Variants in PACS1 observed in about 807,000 individuals in gnomAD.
The protein encoded by PACS1 is PACS-1.
PACS1 carries 24 observed loss-of-function variants against 115.0 expected under a neutral mutation model. The ratio of observed to expected loss-of-function variants is 0.21; its 90% CI spans 0.15 to 0.29. PACS1 has a LOEUF of 0.29. PACS1 is among the 10% of genes least tolerant of loss of function. The pLI is 1.00. For missense variants in PACS1, 838 were observed against 1,251.2 expected, an observed-to-expected ratio of 0.67 and a Z score of 4.98; for synonymous variants, 453 against 504.5, an observed-to-expected ratio of 0.90 and a Z score of 1.37.
rs1208736142 is a variant in PACS1 at position 66,164,595 on chromosome 11, A to ATT, written c.357-28891_357-28890insTT. ...TATATATTTTATATATGTATTATATAATATATAATACATATATATATGTAT... is the reference window on the plus strand; with the variant it reads ...TATATATTTTATATATGTATTATATATTATATATAATACATATATATATGTAT... On this transcript the variant is annotated intron_variant, in intron 1 of 23. Coordinates refer to ENST00000320580, the MANE Select transcript of PACS1 (RefSeq NM_018026.4). Among the ~76,000 whole-genome samples, 597 of 143,382 alleles carry ATT rather than the reference A, an allele frequency of 4.2e-3. 2 individuals are homozygous for ATT. Among genetic ancestry groups the ATT allele is most frequent in the African/African-American group, 0.014 (546 of 39,164 alleles). 94.1% of individuals were successfully genotyped at this position (143,382 alleles called of 152,430 possible). A position where few individuals can be genotyped will look rare whatever the true frequency, so the allele number is the denominator to read the frequency against.
Position 66,236,072 on chromosome 11 carries a change from T to G in PACS1, c.2250+132T>G. On this transcript the variant is annotated intron_variant, in intron 19 of 23. Coordinates refer to ENST00000320580, the MANE Select transcript of PACS1 (RefSeq NM_018026.4). The surrounding 1 kb of genome is among the most constrained non-coding windows in gnomAD (Gnocchi z 4.2). ...CACTGGAGATTTTGCCTCCAGGGAC[T>G]ACCTGGCAGTGTCTGGAGACGTGTT... 1.2e-6 allele frequency: 1 copy of G among 840,378 alleles called. No homozygotes were observed. Among genetic ancestry groups the G allele is most frequent in the Middle Eastern group, 2.3e-4 (1 of 4,412 alleles). 52.1% of individuals were successfully genotyped at this position (840,378 alleles called of 1,614,324 possible).
At chr11:66,119,451 A>G (rs1858392146) in intron 1 of PACS1, among the ~76,000 whole-genome samples, 1 of 152,336 alleles carries the variant, frequency 6.6e-6, no homozygotes, top group African/African-American at 2.4e-5. Flanking sequence ...TTTACAGAGA[A>G]AGCTTGCTGG....
rs79509581 is a variant in PACS1, at chr11:66,076,088, A to G, written c.356+5246A>G. 8.5e-3 allele frequency among the ~76,000 whole-genome samples: 1,289 copies of G among 152,274 alleles called. 85 individuals are homozygous for G. In the East Asian group the frequency reaches 0.17, roughly 20 times the overall value. On this transcript the variant is annotated intron_variant, in intron 1 of 23. Transcript: ENST00000320580. ...GTACCTTAGGAGATTTGAATTTCACATTGTGAGTGTTGTAATAGAATATCA... is the reference window on the plus strand; with the variant it reads ...GTACCTTAGGAGATTTGAATTTCACGTTGTGAGTGTTGTAATAGAATATCA...
chr11:66,160,790 G>A (rs1859470553), intron 1 of PACS1, among the ~76,000 whole-genome samples: 1 of 151,228 alleles, frequency 6.6e-6, no homozygotes, highest in Non-Finnish European at 1.5e-5. Context: ...CCAAAGTGCT[G>A]GGATTATAGG....
intron 19 of PACS1, chr11:66,238,326 A>T (rs1590842438): frequency 1.0e-6 from 1 of 985,226 alleles, no homozygotes; most frequent in African/African-American, 1.7e-5. Flanking sequence ...TAGAGAAACA[A>T]CATCAGGACA....
At position 66,221,141 on chromosome 11, in the gene PACS1, C is replaced by T; in HGVS notation, c.1200-13C>T. 1 of 1,610,934 alleles carries T rather than the reference C, an allele frequency of 6.2e-7. No homozygotes were observed. The highest frequency in any genetic ancestry group is 8.5e-7 in the Non-Finnish European group (1 of 1,177,008). ...CCTGGCAGCACTGACCCTGGCTGTG[C>T]TCTTCACCACAGGCCTTTCTTTGAG... On this transcript the variant is annotated splice_polypyrimidine_tract_variant and intron_variant, in intron 9 of 23. Coordinates refer to ENST00000320580, the MANE Select transcript of PACS1 (RefSeq NM_018026.4).
rs376240959 is a variant in PACS1, at chr11:66,120,757, T to G, written c.356+49915T>G. ...AATTACCCATGTGAAATGCTTAGCATGGTACCTAAGTAGTGCCACTCTAAA... is the reference window on the plus strand; with the variant it reads ...AATTACCCATGTGAAATGCTTAGCAGGGTACCTAAGTAGTGCCACTCTAAA... On this transcript the variant is annotated intron_variant, in intron 1 of 23. Transcript: ENST00000320580. 3.3e-5 allele frequency among the ~76,000 whole-genome samples: 5 copies of G among 152,202 alleles called. No individual in the cohort carries two copies. In the South Asian group the frequency reaches 1.0e-3, roughly 31 times the overall value.
intron 1 of PACS1, among the ~76,000 whole-genome samples, chr11:66,089,085 A>C (rs1857616962): frequency 6.6e-6 from 1 of 152,140 alleles, no homozygotes; most frequent in Admixed American, 6.5e-5. Flanking sequence ...CCCTGGGCAG[A>C]ATGTTTTCAC....
At position 66,091,827 on chromosome 11, in the gene PACS1, C is replaced by T. The variant is rs549747098; in HGVS notation, c.356+20985C>T. 3.6e-4 allele frequency among the ~76,000 whole-genome samples: 54 copies of T among 151,970 alleles called. 1 individual carries two copies. Among genetic ancestry groups the T allele is most frequent in the African/African-American group, 1.2e-3 (48 of 41,366 alleles). ...GAGAATGATGATTTCCAATTTCATC[C>T]ATGTCCCTACAAAGGACATGAACTC... On this transcript the variant is annotated intron_variant, in intron 1 of 23. Transcript: ENST00000320580.
chr11:66,229,481 C>T (rs1384815613), intron 11 of PACS1, among the ~76,000 whole-genome samples: 2 of 151,798 alleles, frequency 1.3e-5, no homozygotes, highest in South Asian at 2.1e-4. Flanking sequence ...GGGCGGATCA[C>T]GAGGTCAGGA....
intron 1 of PACS1, among the ~76,000 whole-genome samples, chr11:66,088,469 T>TA (rs920066352): frequency 2.0e-5 from 3 of 152,336 alleles, no homozygotes; most frequent in African/African-American, 7.2e-5. Context: ...TTTCCCCTGA[T>TA]ACGGATACTC....
At chr11:66,212,281 A>G (rs1164576044) in intron 4 of PACS1, among the ~76,000 whole-genome samples, 1 of 149,812 alleles carries the variant, frequency 6.7e-6, no homozygotes, top group African/African-American at 2.5e-5. Context: ...ACAGGCGTGC[A>G]CCACCATGCC....
intron 4 of PACS1, among the ~76,000 whole-genome samples, chr11:66,214,572 C>T (rs1855153923): frequency 7.2e-6 from 1 of 139,342 alleles, no homozygotes; most frequent in Non-Finnish European, 1.6e-5. Context: ...TTCCTTCCTT[C>T]CTTCTCTCTC....
chr11:66,096,168 A>G (rs1018144706), intron 1 of PACS1, among the ~76,000 whole-genome samples: 1 of 149,874 alleles, frequency 6.7e-6, no homozygotes, highest in East Asian at 2.0e-4. Context: ...CCTGCCCTCA[A>G]GTGAGCCACC....
rs185875386 is a variant in PACS1 at position 66,169,685 on chromosome 11, G to C, written c.357-23801G>C. ...CTGCCTTGGCCTCCCAAAGTGCTGG[G>C]ATTACAGGTGTGAGTCACTGTGCCC... On this transcript the variant is annotated intron_variant, in intron 1 of 23. Coordinates refer to ENST00000320580, the MANE Select transcript of PACS1 (RefSeq NM_018026.4). 5.5e-3 allele frequency among the ~76,000 whole-genome samples: 815 copies of C among 149,218 alleles called. 14 individuals are homozygous for C. Among genetic ancestry groups the C allele is most frequent in the Non-Finnish European group, 9.6e-3 (651 of 67,916 alleles).
intron 16 of PACS1, 28 bp from the exon 17 acceptor site, chr11:66,234,104 T>G (rs758751907): frequency 6.4e-7 from 1 of 1,569,686 alleles, no homozygotes; most frequent in East Asian, 2.2e-5. Flanking sequence ...CCTGACGAAT[T>G]CACCACCTCT....
chr11:66,238,734 G>A (rs370656792), intron 19 of PACS1, 70 bp from the exon 20 acceptor site: 6 of 1,364,484 alleles, frequency 4.4e-6, no homozygotes, highest in Non-Finnish European at 6.2e-6. Flanking sequence ...CCACCAATGT[G>A]TTTCTGGTTG....
At chr11:66,128,595 G>A (rs1342308433) in intron 1 of PACS1, among the ~76,000 whole-genome samples, 1 of 149,330 alleles carries the variant, frequency 6.7e-6, no homozygotes, top group Non-Finnish European at 1.5e-5. Flanking sequence ...TTTAACAAGT[G>A]AGTGAGGGCT....
At chr11:66,178,881 T>G (rs1859938110) in intron 1 of PACS1, among the ~76,000 whole-genome samples, 1 of 152,166 alleles carries the variant, frequency 6.6e-6, no homozygotes, top group South Asian at 2.1e-4. Context: ...GAAAATAGCT[T>G]TGACCTTGCA....
Sources: allele counts gnomAD v4.1 joint callset (sites outside exome capture counted in the v4.1 genomes callset), GRCh38; gene constraint gnomAD v4.1.1; non-coding constraint Gnocchi (gnomAD v3.1); transcripts MANE v1.5; gene names NCBI Gene and HGNC (gene_info 2026-07-23, HGNC 2026-07-21).